Variants in MYOM2 observed in about 807,000 individuals in gnomAD.
MYOM2 encodes myomesin-2.
MYOM2 carries 254 observed loss-of-function variants against 187.6 expected under a neutral mutation model. That is an observed-to-expected ratio of 1.35 (90% CI 1.22 to 1.50). The LOEUF is 1.50. Ranked by LOEUF, MYOM2 falls within the 40% of genes most tolerant of loss-of-function variation. The pLI, the probability that MYOM2 is intolerant of heterozygous loss-of-function variation, is 0.00. For synonymous variants in MYOM2, 981 were observed against 753.8 expected (o/e 1.30, Z -4.94); for missense variants, 2,796 against 1,924.0 (o/e 1.45, Z -8.48).
At chr8:2,113,899 G>A (rs991300539) in intron 25 of MYOM2, among the ~76,000 whole-genome samples, 1 of 152,212 alleles carries the variant, frequency 6.6e-6, no homozygotes, top group African/African-American at 2.4e-5. Context: ...TGGGCACAGC[G>A]TGAGGCTGCA....
chr8:2,069,311 A>C lies in MYOM2; in HGVS notation c.687A>C (p.Ala229=). The part of the protein sequence containing the change: ...ADFDDTATYS[A]VATNAHGQVS... ...TTGACGACACTGCGACATACTCAGC[A>C]GTGGCCACCAATGCCCACGGACAAG... Residue 229 remains alanine, a synonymous_variant, in exon 7 of 37, where the codon GCA becomes GCC. Coordinates refer to ENST00000262113, the MANE Select transcript of MYOM2 (RefSeq NM_003970.4). 1 of 1,613,654 alleles carries C rather than the reference A, an allele frequency of 6.2e-7. No individual in the cohort carries two copies. The highest frequency in any genetic ancestry group is 1.1e-5 in the South Asian group (1 of 91,068).
chr8:2,053,666 C>T (rs1050334488), intron 3 of MYOM2, among the ~76,000 whole-genome samples: 10 of 152,226 alleles, frequency 6.6e-5, no homozygotes, highest in Non-Finnish European at 2.9e-5. Flanking sequence ...AAATCTGACT[C>T]AAAGAAGGGA....
chr8:2,110,152 A>C (rs1453225517), intron 25 of MYOM2, among the ~76,000 whole-genome samples: 1 of 152,148 alleles, frequency 6.6e-6, no homozygotes, highest in Non-Finnish European at 1.5e-5. Flanking sequence ...AGGAGATCCC[A>C]TCTCTACAAA....
chr8:2,111,928 T>G (rs560999659), intron 25 of MYOM2, among the ~76,000 whole-genome samples: 1 of 152,340 alleles, frequency 6.6e-6, no homozygotes, highest in East Asian at 1.9e-4. Flanking sequence ...AATATTGTAA[T>G]TTCTAATTGC....
chr8:2,120,766 C>G (rs1354352978), intron 28 of MYOM2, among the ~76,000 whole-genome samples: 1 of 124,130 alleles, frequency 8.1e-6, no homozygotes, highest in Non-Finnish European at 1.7e-5. Context: ...CCCTTCCTCT[C>G]TTCTTGAAAG....
At position 2,069,500 on chromosome 8, in the gene MYOM2, A is replaced by C. The variant is rs191854641; in HGVS notation, c.793+3A>C. On this transcript the variant is annotated splice_donor_region_variant and intron_variant, in intron 8 of 36. Transcript: ENST00000262113. ...TTCGGTGGGACTCCCGATTGGATGT[A>C]AGTGGGTTTTTGTTTCTTTTCTGTG... 1 of 1,614,162 alleles carries C rather than the reference A, an allele frequency of 6.2e-7. No homozygotes were observed. Among genetic ancestry groups the C allele is most frequent in the Admixed American group, 1.7e-5 (1 of 60,022 alleles).
At chr8:2,087,620 T>G (rs536785371) in intron 14 of MYOM2, among the ~76,000 whole-genome samples, 2 of 152,248 alleles carry the variant, frequency 1.3e-5, no homozygotes, top group East Asian at 3.9e-4. Context: ...CTTTTTTGTT[T>G]TTATTTTTGA....
At chr8:2,120,675 T>TATC (rs1220891042) in intron 28 of MYOM2, among the ~76,000 whole-genome samples, 1 of 41,432 alleles carries the variant, frequency 2.4e-5, no homozygotes, top group African/African-American at 6.8e-5. Context: ...TATATATATA[T>TATC]TATATTATAT....
chr8:2,083,034 A>T (rs964337300), intron 13 of MYOM2, among the ~76,000 whole-genome samples: 1 of 152,204 alleles, frequency 6.6e-6, no homozygotes, highest in Non-Finnish European at 1.5e-5. Flanking sequence ...CAATTTCTGG[A>T]TTTTTAAGTG....
At chr8:2,097,157 G>C (rs1242928667) in intron 18 of MYOM2, 1 of 959,380 alleles carries the variant, frequency 1.0e-6, no homozygotes, top group African/African-American at 1.8e-5. Flanking sequence ...TAAGGCCTTA[G>C]AAGATCTAAT....
intron 15 of MYOM2, 23 bp downstream of exon 15, chr8:2,090,214 C>T (rs369317246): frequency 6.9e-6 from 11 of 1,604,384 alleles, no homozygotes; most frequent in Non-Finnish European, 8.5e-6. Context: ...ACTGGGTGGC[C>T]CCAAGTCAGG....
At chr8:2,096,159 CT>C in intron 17 of MYOM2, 87 bp from the exon 18 acceptor site, 1 of 1,344,926 alleles carries the variant, frequency 7.4e-7, no homozygotes, top group African/African-American at 1.5e-5. Flanking sequence ...TTGCTTCCTC[CT>C]CCCTCTGCCA....
chr8:2,054,969 C>CAAGTACCTGGATACTGGGGGGACG (rs1818610505), intron 3 of MYOM2, among the ~76,000 whole-genome samples: 7 of 95,522 alleles, frequency 7.3e-5, no homozygotes, highest in Non-Finnish European at 1.2e-4. Context: ...CTGGGGGAAC[C>CAAGTACCTGGATACTGGGGGGACG]AAGTACCTGG....
At chr8:2,088,474 C>T (rs577495662) in intron 14 of MYOM2, among the ~76,000 whole-genome samples, 8 of 152,218 alleles carry the variant, frequency 5.3e-5, no homozygotes, top group South Asian at 2.1e-4. Context: ...TCTTCGTGTG[C>T]GTGTGTACCC....
chr8:2,076,336 A>C lies in MYOM2; in HGVS notation c.1262+54A>C, dbSNP rs1563435064. ...GGAACGTTCCGCATGGAATCTTACC[A>C]TGGACAATATATTGAGAAATTTTTC... is the stretch of plus-strand genomic sequence containing the variant. On this transcript the variant is annotated intron_variant, in intron 11 of 36. Transcript: ENST00000262113. 5 of 1,583,576 alleles carry C rather than the reference A, an allele frequency of 3.2e-6. No individual in the cohort carries two copies. In the Middle Eastern group the frequency reaches 5.6e-4, roughly 177 times the overall value.
At chr8:2,046,158 T>C (rs1254462483) in intron 1 of MYOM2, among the ~76,000 whole-genome samples, 1 of 152,252 alleles carries the variant, frequency 6.6e-6, no homozygotes, top group Non-Finnish European at 1.5e-5. Flanking sequence ...TTGACATTTT[T>C]AACTGTACAA....
chr8:2,046,090 G>T (rs1818302899), intron 1 of MYOM2, among the ~76,000 whole-genome samples: 1 of 152,254 alleles, frequency 6.6e-6, no homozygotes, highest in African/African-American at 2.4e-5. Context: ...GGCCAACGCT[G>T]CGTGTCTGGG....
chr8:2,082,404 T>G (rs1387674947), intron 13 of MYOM2, among the ~76,000 whole-genome samples: 1 of 151,154 alleles, frequency 6.6e-6, no homozygotes, highest in African/African-American at 2.4e-5. Context: ...GATTTTTTTT[T>G]CTTTTACCAT....
At chr8:2,109,657 T>G in intron 25 of MYOM2, 126 bp downstream of exon 25, 2 of 1,064,818 alleles carry the variant, frequency 1.9e-6, no homozygotes, top group Non-Finnish European at 2.6e-6. Flanking sequence ...GATTGGGGCA[T>G]GGAAGGTTGA....
Sources: allele counts gnomAD v4.1 joint callset (sites outside exome capture counted in the v4.1 genomes callset), GRCh38; gene constraint gnomAD v4.1.1; transcripts MANE v1.5; gene names NCBI Gene and HGNC (gene_info 2026-07-23, HGNC 2026-07-21).